Variants in DYM observed in about 807,000 individuals in gnomAD.
DYM encodes the protein dyggve-Melchior-Clausen syndrome protein.
In DYM, 78 loss-of-function variants were observed where a neutral mutation model predicts 93.1. The observed-to-expected ratio is 0.84, with a 90% CI of 0.70 to 1.01. The LOEUF is 1.01. DYM is among the 50% of genes least tolerant of loss of function. The pLI is 0.00. For missense variants in DYM, 789 were observed against 845.0 expected, an observed-to-expected ratio of 0.93 and a Z score of 0.82; for synonymous variants, 321 against 319.7, an observed-to-expected ratio of 1.00 and a Z score of -0.04.
At chr18:49,405,239 G>A (rs753507360) in intron 2 of DYM, among the ~76,000 whole-genome samples, 17 of 152,050 alleles carry the variant, frequency 1.1e-4, no homozygotes, top group African/African-American at 3.6e-4. Flanking sequence ...GCAGATGCTC[G>A]TTAGTTTAAA....
rs34036930 is a variant in DYM at position 49,087,679 on chromosome 18, T to C, written c.2025+9723A>G. Reference sequence around the variant, plus strand: ...AAATGGTATTTCTAGTTCTAGATCCTTGAGGAATCGCCACACTGACTTCCA... The same window carrying C: ...AAATGGTATTTCTAGTTCTAGATCCCTGAGGAATCGCCACACTGACTTCCA... On this transcript the variant is annotated intron_variant, in intron 17 of 17. Transcript: ENST00000675505. Among the ~76,000 whole-genome samples the C allele has an allele frequency of 9.6e-3, 1,462 of 152,306 alleles. 13 individuals carry two copies. Among genetic ancestry groups the C allele is most frequent in the South Asian group, 0.037 (176 of 4,818 alleles).
At chr18:49,141,813 A>G (rs1054173931) in intron 15 of DYM, among the ~76,000 whole-genome samples, 3 of 152,096 alleles carry the variant, frequency 2.0e-5, no homozygotes, top group Admixed American at 2.0e-4. Context: ...TATGGACTCA[A>G]TGTCTGGGAC....
At chr18:49,285,939 G>T (rs904507417) in intron 9 of DYM, among the ~76,000 whole-genome samples, 2 of 152,284 alleles carry the variant, frequency 1.3e-5, no homozygotes, top group Admixed American at 6.5e-5. Flanking sequence ...AGTACCTATG[G>T]CTGCTTTGAT....
chr18:49,345,211 A>G (rs2064478566), intron 6 of DYM, among the ~76,000 whole-genome samples: 1 of 152,036 alleles, frequency 6.6e-6, no homozygotes, highest in East Asian at 1.9e-4. Flanking sequence ...CCCACCAAAG[A>G]GAAGGGGGAA....
At chr18:49,229,249 G>C (rs954655745) in intron 13 of DYM, among the ~76,000 whole-genome samples, 3 of 151,880 alleles carry the variant, frequency 2.0e-5, no homozygotes, top group African/African-American at 7.3e-5. Flanking sequence ...ACAAAATAAA[G>C]TACTGTGGTC....
At chr18:49,283,675 T>C (rs1218121031) in intron 9 of DYM, among the ~76,000 whole-genome samples, 5 of 152,226 alleles carry the variant, frequency 3.3e-5, no homozygotes, top group Non-Finnish European at 7.3e-5. Flanking sequence ...CTAATATTTT[T>C]ACGTTCTAAA....
chr18:49,064,193 C>T (rs1483227071), intron 17 of DYM, among the ~76,000 whole-genome samples: 1 of 152,092 alleles, frequency 6.6e-6, no homozygotes, highest in African/African-American at 2.4e-5. Flanking sequence ...GTACATTATA[C>T]AAAATCTAAT....
chr18:49,152,976 T>C (rs2085987283), intron 15 of DYM, among the ~76,000 whole-genome samples: 1 of 152,200 alleles, frequency 6.6e-6, no homozygotes, highest in South Asian at 2.1e-4. Context: ...AAAGGAGATG[T>C]TGGTCACAGG....
intron 17 of DYM, among the ~76,000 whole-genome samples, chr18:49,084,854 A>C (rs1045476090): frequency 6.6e-6 from 1 of 152,240 alleles, no homozygotes; most frequent in African/African-American, 2.4e-5. Flanking sequence ...CACATTGTTT[A>C]GAAATATACA....
intron 11 of DYM, among the ~76,000 whole-genome samples, chr18:49,268,307 T>C (rs902551762): frequency 1.3e-5 from 2 of 152,100 alleles, no homozygotes; most frequent in Non-Finnish European, 2.9e-5. Context: ...TAAATCGAGA[T>C]CAACAAGAAA....
intron 13 of DYM, among the ~76,000 whole-genome samples, chr18:49,222,858 G>A (rs907296251): frequency 5.3e-5 from 8 of 152,018 alleles, no homozygotes; most frequent in East Asian, 3.9e-4. Flanking sequence ...GAAATTTGCC[G>A]TTTGGCAATA....
intron 14 of DYM, among the ~76,000 whole-genome samples, chr18:49,197,789 A>G (rs542219814): frequency 5.4e-4 from 83 of 152,334 alleles, no homozygotes; most frequent in African/African-American, 1.9e-3. Flanking sequence ...CAATATCATG[A>G]AACTGGCCAT....
At chr18:49,090,568 G>A (rs1041415225) in intron 17 of DYM, among the ~76,000 whole-genome samples, 1 of 152,168 alleles carries the variant, frequency 6.6e-6, no homozygotes, top group African/African-American at 2.4e-5. Context: ...CGGTCTCCTC[G>A]ACTTTCTGTC....
At chr18:49,373,749 T>C (rs1268152431) in intron 5 of DYM, among the ~76,000 whole-genome samples, 1 of 152,200 alleles carries the variant, frequency 6.6e-6, no homozygotes, top group Non-Finnish European at 1.5e-5. Flanking sequence ...AATATGCACA[T>C]TTTGTAGGAC....
intron 1 of DYM, among the ~76,000 whole-genome samples, chr18:49,444,384 T>C (rs1208167449): frequency 1.3e-5 from 2 of 152,180 alleles, no homozygotes; most frequent in East Asian, 1.9e-4. Context: ...TCAACTACTA[T>C]TGTTGCTGCA....
At chr18:49,244,741 T>C (rs1461085949) in intron 13 of DYM, among the ~76,000 whole-genome samples, 1 of 152,212 alleles carries the variant, frequency 6.6e-6, no homozygotes, top group Non-Finnish European at 1.5e-5. Context: ...AGGTAGTCTA[T>C]AGGCACACTG....
At chr18:49,139,799 T>C (rs567939661) in intron 15 of DYM, among the ~76,000 whole-genome samples, 27 of 152,336 alleles carry the variant, frequency 1.8e-4, no homozygotes, top group Non-Finnish European at 1.5e-5. Flanking sequence ...CTGCACCCCA[T>C]GGTCATTCCC....
intron 14 of DYM, among the ~76,000 whole-genome samples, chr18:49,180,545 G>A (rs2089830129): frequency 6.6e-6 from 1 of 152,110 alleles, no homozygotes; most frequent in South Asian, 2.1e-4. Flanking sequence ...ATAAATGATT[G>A]TAAATTTTAA....
intron 3 of DYM, among the ~76,000 whole-genome samples, chr18:49,387,985 T>G (rs2068798667): frequency 6.6e-6 from 1 of 152,188 alleles, no homozygotes; most frequent in African/African-American, 2.4e-5. Context: ...TATTCTAAAA[T>G]TAAAAGCTTG....
Sources: gnomAD v4.1 joint callset for allele counts (sites outside exome capture counted in the v4.1 genomes callset) on GRCh38, gnomAD v4.1.1 for gene constraint, MANE v1.5 for transcripts, NCBI Gene and HGNC (gene_info 2026-07-23, HGNC 2026-07-21) for gene names.